The following MAML3 variants were observed in gnomAD, a reference collection of about 807,000 sequenced individuals.
MAML3 encodes mastermind-like protein 3.
A neutral mutation model predicts 101.9 loss-of-function variants in MAML3; 27 were observed. The ratio of observed to expected loss-of-function variants is 0.27; its 90% CI spans 0.20 to 0.37. MAML3 has a LOEUF of 0.37. Among genes scored for constraint, MAML3 ranks in the 10% least tolerant of loss-of-function variants. The probability of loss-of-function intolerance (pLI) is 1.00; values close to 1 mark genes in which losing one functional copy is unlikely to be tolerated. For missense variants in MAML3, 1,316 were observed against 1,444.9 expected (o/e 0.91, Z 1.45); for synonymous variants, 501 against 555.9 (o/e 0.90, Z 1.39).
rs1728883607 is a variant in MAML3, at chr4:139,735,124, A to G, written c.2080-4457T>C. Among the ~76,000 whole-genome samples, 1 of 152,210 alleles carries G rather than the reference A, an allele frequency of 6.6e-6. No individual in the cohort carries two copies. The highest frequency in any genetic ancestry group is 2.1e-4 in the South Asian group (1 of 4,832). On this transcript the variant is annotated intron_variant, in intron 2 of 4. Coordinates refer to ENST00000509479, the MANE Select transcript of MAML3 (RefSeq NM_018717.5). The surrounding 1 kb of genome is among the most constrained non-coding windows in gnomAD (Gnocchi z 5.8). ...GAGCGCTGCGAACGTGGAGCCAGGC[A>G]GTCAAGTGTTACTGCGTACAGCAGG...
chr4:140,118,081 C>T (rs1578693335), intron 1 of MAML3, among the ~76,000 whole-genome samples: 2 of 151,820 alleles, frequency 1.3e-5, no homozygotes, highest in African/African-American at 4.8e-5. Flanking sequence ...TTCTTCAGAG[C>T]CTACAGCTAG....
chr4:139,732,508 G>C (rs1381892831), intron 2 of MAML3, among the ~76,000 whole-genome samples: 1 of 151,596 alleles, frequency 6.6e-6, no homozygotes, highest in East Asian at 1.9e-4. Flanking sequence ...GCTCTGGTTT[G>C]TTCGTGCAGT....
chr4:140,149,992 G>C (rs894182759), intron 1 of MAML3, among the ~76,000 whole-genome samples: 2 of 138,632 alleles, frequency 1.4e-5, no homozygotes, highest in Admixed American at 7.8e-5. Context: ...CTGCTTAAGA[G>C]TTAAGGCTTA....
At chr4:140,132,528 G>A (rs1193724257) in intron 1 of MAML3, among the ~76,000 whole-genome samples, 1 of 152,182 alleles carries the variant, frequency 6.6e-6, no homozygotes, top group Non-Finnish European at 1.5e-5. Flanking sequence ...TTAAATATGA[G>A]ACTAGATAAT....
intron 1 of MAML3, among the ~76,000 whole-genome samples, chr4:139,925,888 G>T (rs1733218197): frequency 1.3e-5 from 2 of 152,152 alleles, no homozygotes; most frequent in African/African-American, 2.4e-5. Flanking sequence ...TTCACCTTGG[G>T]ACTGAAAATC....
intron 2 of MAML3, among the ~76,000 whole-genome samples, chr4:139,734,562 A>G (rs1728852644): frequency 6.6e-6 from 1 of 152,226 alleles, no homozygotes; most frequent in African/African-American, 2.4e-5. Flanking sequence ...CCTATTTTAC[A>G]TATCTTCCCC....
chr4:140,128,892 C>T (rs905639362), intron 1 of MAML3, among the ~76,000 whole-genome samples: 2 of 152,126 alleles, frequency 1.3e-5, no homozygotes, highest in Non-Finnish European at 2.9e-5. Flanking sequence ...TAGGTGTGAA[C>T]CTTCAAGATT....
intron 1 of MAML3, among the ~76,000 whole-genome samples, chr4:140,051,117 T>G (rs1343056193): frequency 6.6e-6 from 1 of 152,174 alleles, no homozygotes; most frequent in Non-Finnish European, 1.5e-5. Context: ...TAGCAAAAAT[T>G]CCTCTATGTT....
intron 1 of MAML3, among the ~76,000 whole-genome samples, chr4:139,962,240 G>A (rs1246534094): frequency 6.6e-6 from 1 of 152,004 alleles, no homozygotes; most frequent in Non-Finnish European, 1.5e-5. Flanking sequence ...CATATCAGTG[G>A]GCCTTTCTCA....
intron 2 of MAML3, among the ~76,000 whole-genome samples, chr4:139,886,821 T>C (rs1296053011): frequency 6.6e-6 from 1 of 152,238 alleles, no homozygotes; most frequent in Admixed American, 6.5e-5. Context: ...CTTTTGTTTC[T>C]ATTTTTGTTT....
At chr4:140,043,484 T>C (rs1727121501) in intron 1 of MAML3, among the ~76,000 whole-genome samples, 1 of 152,236 alleles carries the variant, frequency 6.6e-6, no homozygotes, top group South Asian at 2.1e-4. Context: ...CAAAAATTTC[T>C]GGTGGTTTCT....
At chr4:140,131,681 C>G (rs1480887260) in intron 1 of MAML3, among the ~76,000 whole-genome samples, 1 of 152,206 alleles carries the variant, frequency 6.6e-6, no homozygotes, top group Non-Finnish European at 1.5e-5. Context: ...TCTAGCTCTC[C>G]CCTCCATGGC....
chr4:140,019,850 G>A (rs749709466), intron 1 of MAML3, among the ~76,000 whole-genome samples: 8 of 152,154 alleles, frequency 5.3e-5, no homozygotes, highest in Non-Finnish European at 1.2e-4. Context: ...ATTTAGGTAG[G>A]TTGACCTGAC....
chr4:139,942,366 C>T (rs1281737245), intron 1 of MAML3, among the ~76,000 whole-genome samples: 1 of 152,174 alleles, frequency 6.6e-6, no homozygotes, highest in Non-Finnish European at 1.5e-5. Flanking sequence ...ACAGGGTAGA[C>T]AGACGCCTTG....
chr4:139,871,541 T>C (rs929285624), intron 2 of MAML3, among the ~76,000 whole-genome samples: 3 of 152,232 alleles, frequency 2.0e-5, no homozygotes, highest in Non-Finnish European at 4.4e-5. Context: ...TGCTGTTTCC[T>C]AGCATCTCTC....
rs1419387771 is a variant in MAML3 at position 140,069,351 on chromosome 4, AAGGAGAAGG to A, written c.468+83500_468+83508del. On this transcript the variant is annotated intron_variant, in intron 1 of 4. Transcript: ENST00000509479. ...GAAGGAGAAGGAGAAGGAGAAGGAGAAGGAGAAGGAGAAGAAGAAGAAGAAGAAGAAGAA... is the reference window on the plus strand; with the variant it reads ...GAAGGAGAAGGAGAAGGAGAAGGAGAAGAAGAAGAAGAAGAAGAAGAAGAA... Among the ~76,000 whole-genome samples, 94 of 104,116 alleles carry A rather than the reference AAGGAGAAGG, an allele frequency of 9.0e-4. 1 individual carries two copies. The highest frequency in any genetic ancestry group is 1.7e-3 in the South Asian group (4 of 2,396). 68.3% of individuals were successfully genotyped at this position (104,116 alleles called of 152,430 possible).
chr4:139,763,778 G>A (rs184830833), intron 2 of MAML3, among the ~76,000 whole-genome samples: 327 of 152,310 alleles, frequency 2.1e-3, no homozygotes, highest in African/African-American at 6.3e-3. Context: ...TTTACGAGCA[G>A]CTGTAAAAGT....
intron 1 of MAML3, among the ~76,000 whole-genome samples, chr4:140,037,248 A>AC (rs1326225189): frequency 2.0e-5 from 3 of 151,822 alleles, no homozygotes; most frequent in East Asian, 1.9e-4. Flanking sequence ...CTTGAAAAAA[A>AC]AAAAACAAAA....
At chr4:139,757,212 C>T (rs2111049024) in intron 2 of MAML3, among the ~76,000 whole-genome samples, 1 of 152,272 alleles carries the variant, frequency 6.6e-6, no homozygotes, top group African/African-American at 2.4e-5. Flanking sequence ...TTGGTCCAGG[C>T]TGTCAACTTT....
Sources: gnomAD v4.1 joint callset for allele counts (sites outside exome capture counted in the v4.1 genomes callset) on GRCh38, gnomAD v4.1.1 for gene constraint, Gnocchi (gnomAD v3.1) non-coding constraint, MANE v1.5 for transcripts, NCBI Gene and HGNC (gene_info 2026-07-23, HGNC 2026-07-21) for gene names.